SLIT2: variants seen among roughly 807,000 people sequenced by gnomAD.
SLIT2 encodes the protein slit guidance ligand 2.
In SLIT2, 41 loss-of-function variants were observed where a neutral mutation model predicts 185.7. The ratio of observed to expected loss-of-function variants is 0.22; its 90% CI spans 0.17 to 0.29. SLIT2 has a LOEUF of 0.29. Ranked by LOEUF, SLIT2 falls within the 10% of genes least tolerant of loss-of-function variation. The pLI is 1.00. For missense variants in SLIT2, 1,571 were observed against 1,909.0 expected, an observed-to-expected ratio of 0.82 and a Z score of 3.30; for synonymous variants, 693 against 680.2, an observed-to-expected ratio of 1.02 and a Z score of -0.29.
intron 4 of SLIT2, among the ~76,000 whole-genome samples, chr4:20,309,292 G>C (rs66478358): frequency 3.3e-5 from 5 of 151,898 alleles, no homozygotes; most frequent in Admixed American, 1.3e-4. Context: ...ACCAATTATA[G>C]CATTCTTTGC....
chr4:20,326,069 CTCTG>C (rs1719560048), intron 4 of SLIT2, among the ~76,000 whole-genome samples: 2 of 151,986 alleles, frequency 1.3e-5, no homozygotes, highest in Non-Finnish European at 2.9e-5. Flanking sequence ...TATGATTTTA[CTCTG>C]TCTGTGCCCT....
chr4:20,606,325 T>C (rs1157548824), intron 33 of SLIT2, among the ~76,000 whole-genome samples: 1 of 151,684 alleles, frequency 6.6e-6, no homozygotes, highest in Non-Finnish European at 1.5e-5. Flanking sequence ...TACAGAAAAA[T>C]TTAAGAAGTA....
chr4:20,262,161 G>A (rs1712539846), intron 3 of SLIT2, among the ~76,000 whole-genome samples: 1 of 151,792 alleles, frequency 6.6e-6, no homozygotes, highest in South Asian at 2.1e-4. Flanking sequence ...CTTTACAGTG[G>A]AGCCTACATT....
chr4:20,580,532 T>C (rs1478430495), intron 29 of SLIT2, among the ~76,000 whole-genome samples: 1 of 152,150 alleles, frequency 6.6e-6, no homozygotes, highest in East Asian at 1.9e-4. Context: ...ACTCACTTTC[T>C]CTTCTTCAAG....
intron 4 of SLIT2, among the ~76,000 whole-genome samples, chr4:20,429,324 G>A (rs1272189884): frequency 6.6e-6 from 1 of 152,116 alleles, no homozygotes; most frequent in Non-Finnish European, 1.5e-5. Flanking sequence ...ATGTTAAAAT[G>A]TGGATTATAA....
At chr4:20,492,039 T>A (rs768210693) in intron 9 of SLIT2, 140 bp downstream of exon 9, 56 of 735,596 alleles carry the variant, frequency 7.6e-5, no homozygotes, top group African/African-American at 1.2e-4. Context: ...ATGTATTGAT[T>A]CTTACTCTGA....
intron 21 of SLIT2, among the ~76,000 whole-genome samples, chr4:20,543,646 A>G (rs1340862170): frequency 2.0e-5 from 3 of 152,216 alleles, no homozygotes; most frequent in Non-Finnish European, 4.4e-5. Context: ...AATGAGGTTC[A>G]AGGGCATGTC....
At chr4:20,515,553 A>G (rs1720121201) in intron 11 of SLIT2, among the ~76,000 whole-genome samples, 1 of 152,150 alleles carries the variant, frequency 6.6e-6, no homozygotes, top group Non-Finnish European at 1.5e-5. Flanking sequence ...CCTGCCCAGT[A>G]TCTTGCATTT....
intron 4 of SLIT2, among the ~76,000 whole-genome samples, chr4:20,407,029 C>T (rs371768732): frequency 6.6e-6 from 1 of 151,770 alleles, no homozygotes; most frequent in African/African-American, 2.4e-5. Context: ...TAATGTTGAA[C>T]AAAAAAATAT....
At chr4:20,608,977 T>C (rs1016966029) in intron 33 of SLIT2, among the ~76,000 whole-genome samples, 2 of 152,154 alleles carry the variant, frequency 1.3e-5, no homozygotes, top group African/African-American at 4.8e-5. Flanking sequence ...TCAACTTCCA[T>C]TATGCCATGT....
intron 4 of SLIT2, among the ~76,000 whole-genome samples, chr4:20,338,834 A>G (rs1720724233): frequency 6.6e-6 from 1 of 152,134 alleles, no homozygotes; most frequent in Admixed American, 6.5e-5. Flanking sequence ...CATGCCAGGA[A>G]TCCCACCACT....
intron 4 of SLIT2, among the ~76,000 whole-genome samples, chr4:20,288,664 A>G (rs1485057636): frequency 6.6e-6 from 1 of 152,240 alleles, no homozygotes; most frequent in Non-Finnish European, 1.5e-5. Context: ...CTGCAAATAA[A>G]TGACACCTGT....
intron 4 of SLIT2, among the ~76,000 whole-genome samples, chr4:20,274,372 G>A (rs1713952703): frequency 6.6e-6 from 1 of 152,060 alleles, no homozygotes; most frequent in Non-Finnish European, 1.5e-5. Flanking sequence ...AAATAGATAG[G>A]CAACAGACTT....
At chr4:20,305,653 A>G (rs996085351) in intron 4 of SLIT2, among the ~76,000 whole-genome samples, 1 of 151,774 alleles carries the variant, frequency 6.6e-6, no homozygotes, top group Non-Finnish European at 1.5e-5. Context: ...TGGGCAGATC[A>G]CTTGAGATCA....
At chr4:20,365,250 A>G (rs907248224) in intron 4 of SLIT2, among the ~76,000 whole-genome samples, 2 of 152,116 alleles carry the variant, frequency 1.3e-5, no homozygotes, top group Non-Finnish European at 2.9e-5. Flanking sequence ...GGTTCATATA[A>G]CAGAACATAC....
At chr4:20,500,594 A>T (rs536435150) in intron 9 of SLIT2, among the ~76,000 whole-genome samples, 97 of 152,296 alleles carry the variant, frequency 6.4e-4, no homozygotes, top group African/African-American at 2.2e-3. Context: ...TATCATACAT[A>T]ATAAAAACCT....
At chr4:20,343,187 C>G (rs746708098) in intron 4 of SLIT2, among the ~76,000 whole-genome samples, 4 of 152,082 alleles carry the variant, frequency 2.6e-5, no homozygotes, top group Non-Finnish European at 5.9e-5. Context: ...TGTTTGTACC[C>G]ATTAACCAGC....
intron 34 of SLIT2, among the ~76,000 whole-genome samples, chr4:20,614,061 C>T (rs1004585853): frequency 5.3e-5 from 8 of 152,008 alleles, no homozygotes; most frequent in Non-Finnish European, 2.9e-5. Flanking sequence ...TTAGTAGAGA[C>T]GGGGTTTCAT....
intron 9 of SLIT2, among the ~76,000 whole-genome samples, chr4:20,492,247 T>C (rs1272867490): frequency 6.6e-6 from 1 of 152,158 alleles, no homozygotes; most frequent in African/African-American, 2.4e-5. Flanking sequence ...CAAGCTGGGG[T>C]TAGTAAACCA....
Sources: gnomAD v4.1 joint callset for allele counts (sites outside exome capture counted in the v4.1 genomes callset) on GRCh38, gnomAD v4.1.1 for gene constraint, MANE v1.5 for transcripts, NCBI Gene and HGNC (gene_info 2026-07-23, HGNC 2026-07-21) for gene names.